TMED10: variants seen among roughly 807,000 people sequenced by gnomAD.
TMED10 encodes the protein transmembrane emp24 domain-containing protein 10.
In TMED10, 7 loss-of-function variants were observed where a neutral mutation model predicts 23.1. That is an observed-to-expected ratio of 0.30 (90% CI 0.17 to 0.57). TMED10 has a LOEUF of 0.57. Among genes scored for constraint, TMED10 ranks in the 20% least tolerant of loss-of-function variants. The pLI is 0.91. For missense variants in TMED10, 162 were observed against 274.8 expected (o/e 0.59, Z 2.90); for synonymous variants, 113 against 106.9 (o/e 1.06, Z -0.35).
At chr14:75,159,731 A>C (rs904155268) in intron 1 of TMED10, among the ~76,000 whole-genome samples, 2 of 152,188 alleles carry the variant, frequency 1.3e-5, no homozygotes, top group Admixed American at 1.3e-4. Flanking sequence ...GTTTTTCTGA[A>C]AGACTTCAGG....
rs571826994 is a variant in TMED10 at position 75,145,054 on chromosome 14, A to C, written c.411+2610T>G. ...ACTGTGTCATAGCCATTCCTCCTCT[A>C]CATCAATCTGGTCTGCTGCTGGGGA... On this transcript the variant is annotated intron_variant, in intron 3 of 4. Coordinates refer to ENST00000303575, the MANE Select transcript of TMED10 (RefSeq NM_006827.6). 2.0e-5 allele frequency among the ~76,000 whole-genome samples: 3 copies of C among 152,286 alleles called. No individual in the cohort carries two copies. In the East Asian group the frequency reaches 5.8e-4, roughly 29 times the overall value.
intron 3 of TMED10, among the ~76,000 whole-genome samples, chr14:75,136,410 T>C (rs569808082): frequency 4.6e-5 from 7 of 152,300 alleles, no homozygotes; most frequent in East Asian, 1.9e-4. Context: ...CTGTCCGCCT[T>C]GGCCTCCCAA....
intron 3 of TMED10, among the ~76,000 whole-genome samples, chr14:75,138,765 A>T (rs78512248): frequency 1.9e-4 from 29 of 149,762 alleles, no homozygotes; most frequent in African/African-American, 5.7e-4. Flanking sequence ...AAATGATATT[A>T]AAAAAAAAAT....
intron 1 of TMED10, among the ~76,000 whole-genome samples, chr14:75,155,109 C>A (rs1259078205): frequency 6.6e-6 from 1 of 152,086 alleles, no homozygotes; most frequent in East Asian, 1.9e-4. Flanking sequence ...CAGGCATGCA[C>A]CCCCAAGCCC....
At chr14:75,160,689 A>G (rs578128473) in intron 1 of TMED10, among the ~76,000 whole-genome samples, 34 of 152,328 alleles carry the variant, frequency 2.2e-4, no homozygotes, top group Non-Finnish European at 3.7e-4. Context: ...AGGAATAGGA[A>G]GTAATAAAGA....
intron 1 of TMED10, among the ~76,000 whole-genome samples, chr14:75,173,856 G>A (rs1353359068): frequency 1.3e-5 from 2 of 152,060 alleles, no homozygotes; most frequent in African/African-American, 4.8e-5. Flanking sequence ...TCAGCCTCCC[G>A]GGTAGCTGGG....
At chr14:75,176,018 T>C (rs1896300361) in intron 1 of TMED10, 1 of 363,822 alleles carries the variant, frequency 2.7e-6, no homozygotes, top group South Asian at 2.7e-5. Flanking sequence ...CGTATAAATA[T>C]TCAACACCCC....
chr14:75,136,812 C>T (rs1895756041), intron 3 of TMED10: 1 of 152,066 alleles, frequency 6.6e-6, no homozygotes, highest in South Asian at 2.1e-4. Flanking sequence ...TCAAGGAATT[C>T]CCTGTATGCT....
At chr14:75,149,024 C>T (rs1261463637) in intron 2 of TMED10, among the ~76,000 whole-genome samples, 1 of 152,232 alleles carries the variant, frequency 6.6e-6, no homozygotes, top group Non-Finnish European at 1.5e-5. Context: ...TCAAGCAATC[C>T]TCCCACTTCA....
intron 1 of TMED10, among the ~76,000 whole-genome samples, chr14:75,173,994 GAGTT>G (rs1281929449): frequency 6.6e-6 from 1 of 152,176 alleles, no homozygotes; most frequent in Non-Finnish European, 1.5e-5. Context: ...GCCTCCCAAA[GAGTT>G]AGGGTTACAG....
rs1281034972 is a variant in TMED10, at chr14:75,133,268, TAAAA to T, written c.*1613_*1616del. On this transcript the variant is annotated 3_prime_UTR_variant, in exon 5 of 5. Transcript: ENST00000303575. ...ACAGAGGAATTTTATCTAGGATATA[TAAAA>T]AACCTCTCAAAACTCAATAGTAAAA... 6.6e-6 allele frequency: 1 copy of T among 152,098 alleles called. No homozygotes were observed. The highest frequency in any genetic ancestry group is 6.6e-5 in the Admixed American group (1 of 15,266). 9.4% of individuals were successfully genotyped at this position (152,098 alleles called of 1,614,324 possible).
At chr14:75,169,946 G>A (rs1896210769) in intron 1 of TMED10, among the ~76,000 whole-genome samples, 2 of 152,102 alleles carry the variant, frequency 1.3e-5, no homozygotes, top group African/African-American at 2.4e-5. Flanking sequence ...AAAGTGGAAC[G>A]GCCGGGCGTG....
intron 1 of TMED10, among the ~76,000 whole-genome samples, chr14:75,164,967 C>G (rs539190130): frequency 7.7e-4 from 117 of 152,002 alleles, no homozygotes; most frequent in Non-Finnish European, 1.4e-3. Flanking sequence ...AGTAAGGAAT[C>G]CAAGATGATG....
intron 1 of TMED10, chr14:75,175,897 T>C (rs2139867728): frequency 4.8e-6 from 1 of 206,992 alleles, no homozygotes; most frequent in African/African-American, 2.4e-5. Context: ...ATATGCAAAG[T>C]AGCACAGTAA....
At chr14:75,158,875 G>A (rs889328087) in intron 1 of TMED10, among the ~76,000 whole-genome samples, 5 of 152,008 alleles carry the variant, frequency 3.3e-5, no homozygotes, top group African/African-American at 7.2e-5. Flanking sequence ...GGTGAGTCGC[G>A]ATCGCACCAT....
rs1293967151 is a variant in TMED10 at position 75,132,455 on chromosome 14, G to T, written c.*2430C>A. 6.9e-6 allele frequency: 1 copy of T among 144,338 alleles called. No homozygotes were observed. Among genetic ancestry groups the T allele is most frequent in the Non-Finnish European group, 1.5e-5 (1 of 66,958 alleles). 8.9% of individuals were successfully genotyped at this position (144,338 alleles called of 1,614,324 possible). A position where few individuals can be genotyped will look rare whatever the true frequency, so the allele number is the denominator to read the frequency against. On this transcript the variant is annotated 3_prime_UTR_variant, in exon 5 of 5. Transcript: ENST00000303575. ...CACATATTATTTTCTCTACTTGGAT[G>T]CATCCTCTGTAACTTAGTATATGTA...
chr14:75,172,865 C>T (rs1896251417), intron 1 of TMED10, among the ~76,000 whole-genome samples: 2 of 152,052 alleles, frequency 1.3e-5, no homozygotes, highest in Admixed American at 6.6e-5. Flanking sequence ...CAAATCAATG[C>T]CCGAACCAAT....
Position 75,147,681 on chromosome 14 carries a change from C to A in TMED10, c.394G>T (p.Ala132Ser), listed in dbSNP as rs1895904124. The change falls in exon 3 of 5, where the codon GCG becomes TCG. Residue 132 changes from alanine (A) to serine (S), a missense_variant. Around this residue, in one of 2 missense-constraint regions of TMED10, gnomAD observed 126 missense variants for 239.5 expected, o/e 0.53. Coordinates refer to ENST00000303575, the MANE Select transcript of TMED10 (RefSeq NM_006827.6). Reference protein sequence around the residue: ...VILDMKHGVEAKNYEEIAKVE... With the variant: ...VILDMKHGVESKNYEEIAKVE... ...GGACATACCTCTTCGTAATTTTTCG[C>A]CTCCACTCCATGCTTCATGTCTAGG... The A allele has an allele frequency of 6.2e-7, 1 of 1,614,010 alleles. No individual in the cohort carries two copies. Among genetic ancestry groups the A allele is most frequent in the Admixed American group, 1.7e-5 (1 of 59,986 alleles).
intron 1 of TMED10, among the ~76,000 whole-genome samples, chr14:75,164,861 C>T (rs1896141859): frequency 1.3e-5 from 2 of 150,934 alleles, no homozygotes; most frequent in Non-Finnish European, 2.9e-5. Context: ...GTCAGGTACA[C>T]TCTCAAGGAA....
Sources: gnomAD v4.1 joint callset for allele counts (sites outside exome capture counted in the v4.1 genomes callset) on GRCh38, gnomAD v4.1.1 for gene constraint, gnomAD v4.1.1 regional missense constraint, MANE v1.5 for transcripts, NCBI Gene and HGNC (gene_info 2026-07-23, HGNC 2026-07-21) for gene names.